Variants in USP50 observed in about 807,000 individuals in gnomAD.
USP50 encodes ubiquitin specific peptidase 50.
USP50 carries 37 observed loss-of-function variants against 39.2 expected under a neutral mutation model. That is an observed-to-expected ratio of 0.94 (90% confidence interval 0.73 to 1.24). USP50 has a LOEUF of 1.24. Among genes scored for constraint, USP50 ranks in the 50% most tolerant of loss-of-function variants. The pLI is 0.00. For missense variants in USP50, 374 were observed against 398.2 expected, an observed-to-expected ratio of 0.94 and a Z score of 0.52; for synonymous variants, 139 against 144.5, an observed-to-expected ratio of 0.96 and a Z score of 0.27.
downstream of USP50, chr15:50,500,534 C>G (rs562097132): frequency 3.8e-5 from 17 of 443,876 alleles, no homozygotes; most frequent in Admixed American, 1.0e-4. Context: ...AACATGCCCA[C>G]AAGGCATAAA....
intron 3 of USP50, among the ~76,000 whole-genome samples, chr15:50,542,333 C>A (rs1206532637): frequency 2.0e-5 from 3 of 152,130 alleles, no homozygotes; most frequent in Non-Finnish European, 4.4e-5. Flanking sequence ...CTTAATTCCC[C>A]TAATTCCTAC....
At chr15:50,510,195 T>C (rs2052719163) in intron 6 of USP50, 2 of 152,342 alleles carry the variant, frequency 1.3e-5, no homozygotes, top group Admixed American at 6.5e-5. Context: ...CATTTGGTTA[T>C]TCATATGCAG....
downstream of USP50, chr15:50,499,683 A>G (rs1000135239): frequency 2.0e-5 from 3 of 152,104 alleles, no homozygotes; most frequent in African/African-American, 7.2e-5. Context: ...TTTGTGCACT[A>G]AATCTTTATT....
At chr15:50,532,027 C>T (rs964180837) in intron 5 of USP50, 4 of 425,542 alleles carry the variant, frequency 9.4e-6, no homozygotes, top group Non-Finnish European at 1.9e-5. Context: ...CCAAAACTGC[C>T]GAGCAGAAAC....
intron 1 of USP50, among the ~76,000 whole-genome samples, chr15:50,545,985 T>C (rs1008488244): frequency 4.6e-5 from 7 of 151,152 alleles, no homozygotes; most frequent in Non-Finnish European, 8.8e-5. Flanking sequence ...GATTAGAGTG[T>C]TCATGTGAAT....
chr15:50,516,649 C>T (rs1380814950), intron 6 of USP50, among the ~76,000 whole-genome samples: 4 of 151,752 alleles, frequency 2.6e-5, no homozygotes, highest in Non-Finnish European at 5.9e-5. Flanking sequence ...CAACTATATA[C>T]TAGCTACGAG....
At chr15:50,527,039 C>T (rs1191990721) in intron 6 of USP50, among the ~76,000 whole-genome samples, 6 of 152,168 alleles carry the variant, frequency 3.9e-5, no homozygotes, top group Non-Finnish European at 1.5e-5. Context: ...TCTTCAAGGG[C>T]TCATGCAAAG....
At chr15:50,507,898 G>A (rs3131610) in intron 6 of USP50, 37,990 of 151,310 alleles carry the variant, frequency 0.25, 5,149 homozygotes, top group East Asian at 0.56. Flanking sequence ...GAGAAACCCC[G>A]TCTCTACTAA....
At chr15:50,529,533 T>C (rs1200636254) in intron 6 of USP50, among the ~76,000 whole-genome samples, 1 of 152,186 alleles carries the variant, frequency 6.6e-6, no homozygotes, top group Admixed American at 6.5e-5. Context: ...CTGCTGCTGC[T>C]GCTTCTAGGA....
chr15:50,532,799 AC>A (rs2052951136), intron 5 of USP50, among the ~76,000 whole-genome samples: 1 of 152,324 alleles, frequency 6.6e-6, no homozygotes. Flanking sequence ...CTAAGAATGA[AC>A]GAATGAACCA....
chr15:50,498,254 G>A (rs2052489940), downstream of USP50: 1 of 180,328 alleles, frequency 5.5e-6, no homozygotes, highest in South Asian at 1.9e-4. Context: ...GAGAGCAGCT[G>A]TCATTCTTTC....
intron 6 of USP50, among the ~76,000 whole-genome samples, chr15:50,519,492 A>C (rs375454924): frequency 2.6e-5 from 4 of 152,278 alleles, no homozygotes; most frequent in African/African-American, 9.6e-5. Context: ...AGGCGGGTGG[A>C]TCACGAGGTC....
chr15:50,493,787 C>T (rs2052268361), downstream of USP50: 1 of 540,720 alleles, frequency 1.8e-6, no homozygotes, highest in Non-Finnish European at 3.4e-6. Flanking sequence ...AAAGGACAGA[C>T]AGGATGAGAG....
intron 5 of USP50, among the ~76,000 whole-genome samples, chr15:50,536,599 C>T (rs1037974214): frequency 6.6e-6 from 1 of 151,946 alleles, no homozygotes; most frequent in African/African-American, 2.4e-5. Context: ...CGAGATCGTG[C>T]CACTGCATTC....
chr15:50,509,215 G>A (rs1187832985), intron 6 of USP50: 2 of 151,914 alleles, frequency 1.3e-5, no homozygotes, highest in African/African-American at 4.8e-5. Context: ...TACTTGGGAG[G>A]CTGAGGTGGG....
chr15:50,496,004 T>C (rs934236560), downstream of USP50: 1 of 1,614,052 alleles, frequency 6.2e-7, no homozygotes, highest in Non-Finnish European at 8.5e-7. Context: ...GTGCCTCACA[T>C]GTCACAAAAA....
chr15:50,537,991 A>G (rs2052995110), intron 5 of USP50, among the ~76,000 whole-genome samples: 1 of 148,706 alleles, frequency 6.7e-6, no homozygotes, highest in South Asian at 2.2e-4. Context: ...AAAACCAACA[A>G]CCTGGCCAGG....
intron 6 of USP50, among the ~76,000 whole-genome samples, chr15:50,525,642 GTGTATATGTATATGTATATA>G (rs2052888169): frequency 9.9e-6 from 1 of 101,322 alleles, no homozygotes; most frequent in African/African-American, 4.4e-5. Context: ...ATATGTATAT[GTGTATATGTATATGTATATA>G]TGTATATGTA....
intron 3 of USP50, among the ~76,000 whole-genome samples, chr15:50,542,056 A>G (rs2053033769): frequency 6.6e-6 from 1 of 151,740 alleles, no homozygotes; most frequent in Non-Finnish European, 1.5e-5. Flanking sequence ...AAAAAAAAAA[A>G]AAAAAGATAA....
Sources: allele counts gnomAD v4.1 joint callset (sites outside exome capture counted in the v4.1 genomes callset), GRCh38; gene constraint gnomAD v4.1.1; transcripts MANE v1.5; gene names NCBI Gene and HGNC (gene_info 2026-07-23, HGNC 2026-07-21).